The following NMNAT3 variants were observed in gnomAD, a reference collection of about 807,000 sequenced individuals.
NMNAT3 encodes nicotinamide/nicotinic acid mononucleotide adenylyltransferase 3.
A neutral mutation model predicts 24.8 loss-of-function variants in NMNAT3; 21 were observed. That is an observed-to-expected ratio of 0.85 (90% CI 0.60 to 1.22). NMNAT3 has a LOEUF of 1.22. NMNAT3 is among the 50% of genes most tolerant of loss of function. The pLI is 0.00. For missense variants in NMNAT3, 387 were observed against 436.6 expected (o/e 0.89, Z 1.01); for synonymous variants, 136 against 155.2 (o/e 0.88, Z 0.92).
At chr3:139,639,784 G>A (rs1214407123) in intron 1 of NMNAT3, among the ~76,000 whole-genome samples, 1 of 152,198 alleles carries the variant, frequency 6.6e-6, no homozygotes, top group African/African-American at 2.4e-5. Context: ...TAGCTTGCAA[G>A]TAGGGTAAAA....
intron 3 of NMNAT3, among the ~76,000 whole-genome samples, chr3:139,620,156 G>T (rs182148922): frequency 6.8e-6 from 1 of 148,116 alleles, no homozygotes; most frequent in Non-Finnish European, 1.5e-5. Flanking sequence ...TTGCCCTAAA[G>T]AATGTATTGT....
At chr3:139,575,931 G>C in intron 5 of NMNAT3, 1 of 1,288,556 alleles carries the variant, frequency 7.8e-7, no homozygotes. Context: ...ACAGATGGGA[G>C]CTCCACGTCC....
intron 1 of NMNAT3, among the ~76,000 whole-genome samples, chr3:139,674,924 A>G (rs2057876161): frequency 6.6e-6 from 1 of 152,220 alleles, no homozygotes; most frequent in South Asian, 2.1e-4. Flanking sequence ...TAACAGCCCT[A>G]TGAATTAGCT....
rs2054262854 is a variant in NMNAT3 at position 139,592,845 on chromosome 3, G to A, written c.110-9637C>T. Among the ~76,000 whole-genome samples the A allele has an allele frequency of 2.0e-5, 3 of 152,150 alleles. No individual in the cohort carries two copies. In the South Asian group the frequency reaches 6.2e-4, roughly 32 times the overall value. On this transcript the variant is annotated intron_variant, in intron 3 of 6. Transcript: ENST00000643695. Reference sequence around the variant, plus strand: ...CACTAAACATGGAAAGGAACAACGGGTACCAGCCACTGCAAAATCATGCCA... The same window carrying A: ...CACTAAACATGGAAAGGAACAACGGATACCAGCCACTGCAAAATCATGCCA...
intron 1 of NMNAT3, among the ~76,000 whole-genome samples, chr3:139,657,015 T>C (rs528146628): frequency 6.3e-4 from 96 of 152,370 alleles, no homozygotes; most frequent in African/African-American, 2.2e-3. Context: ...TTATCTTTAA[T>C]ATTTGCAGAT....
intron 3 of NMNAT3, among the ~76,000 whole-genome samples, chr3:139,595,164 G>A (rs1382975606): frequency 1.3e-5 from 2 of 151,978 alleles, no homozygotes; most frequent in East Asian, 1.9e-4. Context: ...TTATACACCA[G>A]CAACAGACAA....
chr3:139,642,647 A>G (rs1343461101), intron 1 of NMNAT3, among the ~76,000 whole-genome samples: 1 of 152,174 alleles, frequency 6.6e-6, no homozygotes, highest in African/African-American at 2.4e-5. Flanking sequence ...TCTGGACTGC[A>G]TCCAGTGTCC....
chr3:139,669,186 G>A (rs562779233), intron 1 of NMNAT3, among the ~76,000 whole-genome samples: 5 of 152,104 alleles, frequency 3.3e-5, no homozygotes, highest in East Asian at 1.9e-4. Context: ...TAAAATGGAC[G>A]GGGGCACTGG....
At chr3:139,591,187 C>T (rs1212112126) in intron 3 of NMNAT3, among the ~76,000 whole-genome samples, 2 of 151,182 alleles carry the variant, frequency 1.3e-5, no homozygotes, top group African/African-American at 2.4e-5. Context: ...GTTCCCTTTC[C>T]GAGTCAAAGA....
chr3:139,592,194 C>T (rs902614448), intron 3 of NMNAT3, among the ~76,000 whole-genome samples: 3 of 151,906 alleles, frequency 2.0e-5, no homozygotes, highest in Non-Finnish European at 2.9e-5. Context: ...GGAGCCGATG[C>T]GATCAAGTGG....
chr3:139,651,769 T>C (rs553298493), intron 1 of NMNAT3, among the ~76,000 whole-genome samples: 1 of 152,212 alleles, frequency 6.6e-6, no homozygotes, highest in South Asian at 2.1e-4. Context: ...CCTCCTTAAT[T>C]ACTTCCCCTA....
chr3:139,588,183 C>A (rs1177548532), intron 3 of NMNAT3, among the ~76,000 whole-genome samples: 2 of 152,172 alleles, frequency 1.3e-5, no homozygotes, highest in African/African-American at 2.4e-5. Flanking sequence ...GATACTTCTC[C>A]TGTGACCCTC....
intron 3 of NMNAT3, among the ~76,000 whole-genome samples, chr3:139,608,494 C>G (rs537605678): frequency 2.6e-5 from 4 of 152,160 alleles, no homozygotes; most frequent in Admixed American, 6.5e-5. Flanking sequence ...GTGTCACTTC[C>G]GCTGTTCACC....
At chr3:139,580,800 T>C (rs1315030870) in intron 4 of NMNAT3, among the ~76,000 whole-genome samples, 1 of 150,018 alleles carries the variant, frequency 6.7e-6, no homozygotes, top group Non-Finnish European at 1.5e-5. Context: ...TGGCATAAAG[T>C]TAGTTGTGAT....
chr3:139,616,409 G>A (rs975450853), intron 3 of NMNAT3, among the ~76,000 whole-genome samples: 5 of 152,024 alleles, frequency 3.3e-5, no homozygotes, highest in African/African-American at 7.3e-5. Context: ...CTCAGGGCTC[G>A]TCTCTCCTTA....
intron 3 of NMNAT3, among the ~76,000 whole-genome samples, chr3:139,619,495 C>G (rs1047452648): frequency 6.6e-6 from 1 of 152,068 alleles, no homozygotes; most frequent in African/African-American, 2.4e-5. Context: ...CTTTGGGGAC[C>G]AGGAGTACTC....
intron 1 of NMNAT3, among the ~76,000 whole-genome samples, chr3:139,669,739 A>G (rs565115278): frequency 1.3e-5 from 2 of 152,338 alleles, no homozygotes; most frequent in African/African-American, 2.4e-5. Flanking sequence ...TAAATCCAAT[A>G]TTAATATTAA....
intron 6 of NMNAT3, chr3:139,572,231 T>C: frequency 2.5e-6 from 1 of 398,606 alleles, no homozygotes; most frequent in African/African-American, 2.1e-5. Flanking sequence ...CTTTTAAGAA[T>C]ACCTGCTGAG....
intron 2 of NMNAT3, 165 bp downstream of exon 3, chr3:139,634,446 G>A (rs1405353784): frequency 6.6e-6 from 1 of 152,076 alleles, no homozygotes; most frequent in African/African-American, 2.4e-5. Flanking sequence ...TTGTATGTGG[G>A]GCTGACGACC....
Sources: gnomAD v4.1 joint callset for allele counts (sites outside exome capture counted in the v4.1 genomes callset) on GRCh38, gnomAD v4.1.1 for gene constraint, MANE v1.5 for transcripts, NCBI Gene and HGNC (gene_info 2026-07-23, HGNC 2026-07-21) for gene names.